The following DMRTC2 variants were observed in gnomAD, a reference collection of about 807,000 sequenced individuals.
DMRTC2 encodes DMRT like family C2.
In DMRTC2, 13 loss-of-function variants were observed where a neutral mutation model predicts 39.9. That is an observed-to-expected ratio of 0.33 (90% confidence interval 0.21 to 0.52). DMRTC2 has a LOEUF of 0.52. Among genes scored for constraint, DMRTC2 ranks in the 20% least tolerant of loss-of-function variants. DMRTC2 has a pLI of 0.96. For missense variants in DMRTC2, 431 were observed against 472.8 expected (o/e 0.91, Z 0.82); for synonymous variants, 189 against 185.2 (o/e 1.02, Z -0.17).
chr19:41,849,337 G>A, intron 6 of DMRTC2, 81 bp downstream of exon 6: 1 of 1,547,508 alleles, frequency 6.5e-7, no homozygotes, highest in South Asian at 1.2e-5. Flanking sequence ...CAACCACAGT[G>A]GATAATGAAG....
intron 3 of DMRTC2, 83 bp from the exon 4 acceptor site, chr19:41,848,369 G>C: frequency 8.3e-7 from 1 of 1,198,974 alleles, no homozygotes; most frequent in East Asian, 2.6e-5. Flanking sequence ...GAGCTAGATG[G>C]GGGAGATGAG....
chr19:41,850,253 A>AT, intron 6 of DMRTC2, 59 bp from the exon 7 acceptor site: 2 of 1,306,614 alleles, frequency 1.5e-6, no homozygotes, highest in African/African-American at 3.1e-5. Flanking sequence ...CCCTCTTTCA[A>AT]TGTGTGCATG....
chr19:41,848,898 C>T lies in DMRTC2; in HGVS notation c.551C>T (p.Pro184Leu). ...GPWVPGHWLP[P>L]GFSMPPPVVC... The stretch of plus-strand genomic sequence containing the variant: ...TGGGTCCCTGGACACTGGCTGCCTC[C>T]AGGCTTCTCCATGCCACCACCAGTG... The change falls in exon 5 of 9, where the codon CCA (proline) becomes CTA (leucine). Residue 184 changes from proline (P) to leucine (L), a missense_variant. By Grantham distance (98) the Pro-to-Leu change is moderately conservative. Coordinates refer to ENST00000269945, the MANE Select transcript of DMRTC2 (RefSeq NM_001040283.3). The T allele has an allele frequency of 6.2e-7, 1 of 1,613,664 alleles. No individual in the cohort carries two copies. The highest frequency in any genetic ancestry group is 8.5e-7 in the Non-Finnish European group (1 of 1,180,038).
chr19:41,848,560 C>A, intron 4 of DMRTC2, 32 bp downstream of exon 4: 1 of 1,478,956 alleles, frequency 6.8e-7, no homozygotes, highest in Non-Finnish European at 9.1e-7. Flanking sequence ...AGAAAGTGTC[C>A]CCCACCCTAG....
rs2073911905 is a variant in DMRTC2, at chr19:41,848,926, G to A, written c.579G>A (p.Val193=). Residue 193 remains valine, a synonymous_variant, in exon 5 of 9, where the codon GTG becomes GTA. Transcript: ENST00000269945. ...PPGFSMPPPV[V]CRLLYQEPAV... is the part of the protein sequence containing the mutation. Reference sequence around the variant, plus strand: ...GCTTCTCCATGCCACCACCAGTGGTGTGCCGCCTGCTGTACCAAGAACCTG... The same window carrying A: ...GCTTCTCCATGCCACCACCAGTGGTATGCCGCCTGCTGTACCAAGAACCTG... The A allele has an allele frequency of 1.9e-6, 3 of 1,613,932 alleles. No individual in the cohort carries two copies. The highest frequency in any genetic ancestry group is 2.5e-6 in the Non-Finnish European group (3 of 1,180,042).
chr19:41,851,883 G>T lies in DMRTC2; in HGVS notation c.*187G>T. ...GCTTCATTAGCTTTCAGTTCCTTTG[G>T]TAGTGTGGGCATTTCCTTGGCTGAC... On this transcript the variant is annotated 3_prime_UTR_variant, in exon 9 of 9. Transcript: ENST00000269945. 1.7e-6 allele frequency: 1 copy of T among 600,558 alleles called. No individual in the cohort carries two copies. Among genetic ancestry groups the T allele is most frequent in the Non-Finnish European group, 2.9e-6 (1 of 340,654 alleles). 37.2% of individuals were successfully genotyped at this position (600,558 alleles called of 1,614,324 possible).
chr19:41,846,109 A>G (rs1453820996), intron 1 of DMRTC2, among the ~76,000 whole-genome samples: 1 of 152,242 alleles, frequency 6.6e-6, no homozygotes, highest in Non-Finnish European at 1.5e-5. Flanking sequence ...CAAGAACAAA[A>G]TAAGACTAAA....
chr19:41,849,886 C>T (rs2073928763), intron 6 of DMRTC2, among the ~76,000 whole-genome samples: 1 of 152,116 alleles, frequency 6.6e-6, no homozygotes, highest in Admixed American at 6.5e-5. Context: ...TTGAGACCAC[C>T]TGAGTAACTG....
rs1568777285 is a variant in DMRTC2 at position 41,847,443 on chromosome 19, C to G, written c.15C>G (p.Asp5Glu). 7 of 1,570,948 alleles carry G rather than the reference C, an allele frequency of 4.5e-6. No individual in the cohort carries two copies. The Admixed American group carries it at 5.6e-5, about 12-fold the overall frequency. MEPSDMPAGYHCPLD... is the reference protein window; with the variant it reads MEPSEMPAGYHCPLD... ...CCCCTAGATCCATGGAACCCAGTGACATGCCTGCTGGCTACCACTGCCCCT... is the reference window on the plus strand; with the variant it reads ...CCCCTAGATCCATGGAACCCAGTGAGATGCCTGCTGGCTACCACTGCCCCT... Residue 5 changes from aspartate to glutamate, a missense_variant, in exon 2 of 9, where the codon GAC (aspartate) becomes GAG (glutamate). Physicochemically the swap from Asp to Glu is conservative, Grantham distance 45 (BLOSUM62 2). Transcript: ENST00000269945.
chr19:41,851,701 C>T lies in DMRTC2; in HGVS notation c.*5C>T, dbSNP rs2073959700. The T allele has an allele frequency of 6.2e-7, 1 of 1,611,012 alleles. No individual in the cohort carries two copies. Among genetic ancestry groups the T allele is most frequent in the African/African-American group, 1.3e-5 (1 of 74,108 alleles). On this transcript the variant is annotated 3_prime_UTR_variant, in exon 9 of 9. Coordinates refer to ENST00000269945, the MANE Select transcript of DMRTC2 (RefSeq NM_001040283.3). ...TCCATCTCCCTCCTGAGCTAGAAAC[C>T]CAGAGATGGAGGCTGTCTTGCTATG...
At position 41,850,597 on chromosome 19, in the gene DMRTC2, A is replaced by C; in HGVS notation, c.888A>C (p.Glu296Asp). Residue 296 changes from glutamate (E) to aspartate (D), a missense_variant, in exon 8 of 9, where the codon GAA becomes GAC. By Grantham distance (45) the Glu-to-Asp change is conservative. Coordinates refer to ENST00000269945, the MANE Select transcript of DMRTC2 (RefSeq NM_001040283.3). ...GGCAGCTGCAGCAAGAGGCAGCTGAAGCCCTCGTGGGGCTGAAAGATTCAT... is the reference window on the plus strand; with the variant it reads ...GGCAGCTGCAGCAAGAGGCAGCTGACGCCCTCGTGGGGCTGAAAGATTCAT... ...SEWQLQQEAA[E>D]ALVGLKDSSQ... is the part of the protein sequence containing the mutation. 1 of 1,613,774 alleles carries C rather than the reference A, an allele frequency of 6.2e-7. No individual in the cohort carries two copies. Among genetic ancestry groups the C allele is most frequent in the Non-Finnish European group, 8.5e-7 (1 of 1,179,886 alleles).
At chr19:41,848,745 C>T in intron 4 of DMRTC2, 50 bp from the exon 5 acceptor site, 1 of 1,606,080 alleles carries the variant, frequency 6.2e-7, no homozygotes, top group Non-Finnish European at 8.5e-7. Context: ...TACACTCAAT[C>T]CTTTTCCAGC....
intron 3 of DMRTC2, 73 bp downstream of exon 3, chr19:41,847,954 C>T (rs1281288311): frequency 6.6e-7 from 1 of 1,504,642 alleles, no homozygotes; most frequent in Non-Finnish European, 8.9e-7. Flanking sequence ...GAGGCCCAGT[C>T]CTGCTGCTGA....
At chr19:41,850,991 G>A (rs1395966918) in intron 8 of DMRTC2, 1 of 341,898 alleles carries the variant, frequency 2.9e-6, no homozygotes, top group Non-Finnish European at 5.3e-6. Context: ...GGAACCCAAT[G>A]CTCTGTCTCT....
In DMRTC2 at chr19:41,849,191, ATC is replaced by A; in HGVS notation, c.693_694del (p.His232ProfsTer16). On this transcript the variant is annotated frameshift_variant, in exon 6 of 9. Coordinates refer to ENST00000269945, the MANE Select transcript of DMRTC2 (RefSeq NM_001040283.3). LOFTEE classifies it high-confidence loss of function. Reference protein sequence around the residue: ...THGPFTTCPGSHPVLTAPLSG... With the variant: ...THGPFTTCPGXHPVLTAPLSG... ...ATGGGCCCTTCACCACCTGCCCAGG[ATC>A]TCACCCAGTACTGACAGCTCCTCTT... 6.2e-7 allele frequency: 1 copy of A among 1,614,118 alleles called. No homozygotes were observed. The highest frequency in any genetic ancestry group is 1.1e-5 in the South Asian group (1 of 91,080).
At position 41,849,253 on chromosome 19, in the gene DMRTC2, G is replaced by C; in HGVS notation, c.752G>C (p.Arg251Pro). 6.2e-7 allele frequency: 1 copy of C among 1,613,782 alleles called. No homozygotes were observed. Among genetic ancestry groups the C allele is most frequent in the East Asian group, 2.2e-5 (1 of 44,874 alleles). ...GEPQGPPSQP[R>P]THSTLILQPC... ...CCCCAAGGGCCCCCTAGCCAGCCCC[G>C]CACGTGAGTAGGGAGAGAAGGATGT... Residue 251 changes from arginine (R) to proline (P), a missense_variant, in exon 6 of 9, where the codon CGC (arginine) becomes CCC (proline). Physicochemically the swap from Arg to Pro is moderately radical, Grantham distance 103. Transcript: ENST00000269945.
rs782072349 is a variant in DMRTC2, at chr19:41,848,838, C to T, written c.491C>T (p.Ser164Leu). The T allele has an allele frequency of 6.8e-6, 11 of 1,611,008 alleles. No homozygotes were observed. Among genetic ancestry groups the T allele is most frequent in the East Asian group, 2.2e-5 (1 of 44,904 alleles). ...PLLLSHPPEA[S>L]PLSWTPVPPG... ...CTGCTCAGCCATCCCCCGGAAGCCTCGCCCTTGTCCTGGACTCCGGTGCCT... is the reference window on the plus strand; with the variant it reads ...CTGCTCAGCCATCCCCCGGAAGCCTTGCCCTTGTCCTGGACTCCGGTGCCT... The change falls in exon 5 of 9, where the codon TCG becomes TTG. Residue 164 changes from serine (S) to leucine (L), a missense_variant. By Grantham distance (145) the Ser-to-Leu change is moderately radical. Coordinates refer to ENST00000269945, the MANE Select transcript of DMRTC2 (RefSeq NM_001040283.3).
At chr19:41,846,062 T>C (rs182196962) in intron 1 of DMRTC2, among the ~76,000 whole-genome samples, 1 of 151,270 alleles carries the variant, frequency 6.6e-6, no homozygotes, top group East Asian at 1.9e-4. Context: ...AAGGTAATTA[T>C]TGGGGGTGCA....
chr19:41,846,012 T>TA (rs11308214), intron 1 of DMRTC2, among the ~76,000 whole-genome samples: 60,562 of 143,784 alleles, frequency 0.42, 13,975 homozygotes, highest in Middle Eastern at 0.57. Context: ...ACCCTGTCAA[T>TA]AAAAAAAAAA....
Sources: allele counts gnomAD v4.1 joint callset (sites outside exome capture counted in the v4.1 genomes callset), GRCh38; gene constraint gnomAD v4.1.1; transcripts MANE v1.5; gene names NCBI Gene and HGNC (gene_info 2026-07-23, HGNC 2026-07-21).